Variants in CEP112 observed in about 807,000 individuals in gnomAD.
CEP112 encodes the protein centrosomal protein of 112 kDa.
A neutral mutation model predicts 153.0 loss-of-function variants in CEP112; 127 were observed. That is an observed-to-expected ratio of 0.83 (90% CI 0.72 to 0.96). CEP112 has a LOEUF of 0.96. Among genes scored for constraint, CEP112 ranks in the 40% least tolerant of loss-of-function variants. The pLI, the probability that CEP112 is intolerant of heterozygous loss-of-function variation, is 0.00. For missense variants in CEP112, 1,089 were observed against 1,101.2 expected, an observed-to-expected ratio of 0.99 and a Z score of 0.16; for synonymous variants, 358 against 374.4, an observed-to-expected ratio of 0.96 and a Z score of 0.51.
intron 4 of CEP112, among the ~76,000 whole-genome samples, chr17:66,166,237 A>G (rs2071951713): frequency 6.6e-6 from 1 of 152,172 alleles, no homozygotes; most frequent in African/African-American, 2.4e-5. Flanking sequence ...TCATCAATAA[A>G]TTCCTCTCAA....
intron 19 of CEP112, among the ~76,000 whole-genome samples, chr17:65,910,528 G>A (rs935112413): frequency 1.3e-5 from 2 of 152,026 alleles, no homozygotes; most frequent in African/African-American, 2.4e-5. Context: ...AAGAACATGA[G>A]TGTAATGAAA....
At chr17:65,760,550 C>T (rs6504344) in intron 21 of CEP112, among the ~76,000 whole-genome samples, 65,499 of 151,914 alleles carry the variant, frequency 0.43, 14,803 homozygotes, top group East Asian at 0.79. Context: ...TGATTACATT[C>T]GCTGATTTTC....
chr17:65,809,041 C>T (rs1345138242), intron 21 of CEP112, among the ~76,000 whole-genome samples: 1 of 152,182 alleles, frequency 6.6e-6, no homozygotes, highest in Non-Finnish European at 1.5e-5. Context: ...TGATCTTGGA[C>T]TTCCCATCCT....
intron 20 of CEP112, among the ~76,000 whole-genome samples, chr17:65,879,804 A>G (rs566155014): frequency 6.6e-6 from 1 of 151,944 alleles, no homozygotes; most frequent in African/African-American, 2.4e-5. Context: ...AGGGAAAGCA[A>G]ATCTAAAAAA....
chr17:66,128,302 CAAAAAA>C, intron 6 of CEP112, among the ~76,000 whole-genome samples: 1 of 73,546 alleles, frequency 1.4e-5, no homozygotes, highest in Non-Finnish European at 2.4e-5. Flanking sequence ...GATTCTGTCT[CAAAAAA>C]AAAAAAAAAA....
chr17:66,051,185 C>A (rs1598232177), intron 12 of CEP112, among the ~76,000 whole-genome samples: 1 of 151,058 alleles, frequency 6.6e-6, no homozygotes, highest in East Asian at 2.0e-4. Flanking sequence ...CACCATGTTA[C>A]CCTGGATGGT....
chr17:65,644,935 T>C (rs2143441473), intron 24 of CEP112, among the ~76,000 whole-genome samples: 1 of 152,284 alleles, frequency 6.6e-6, no homozygotes, highest in South Asian at 2.1e-4. Flanking sequence ...ACTTTCTTTT[T>C]CTGCTTGGAT....
chr17:65,742,054 T>C (rs914151235), intron 23 of CEP112, among the ~76,000 whole-genome samples: 1 of 151,536 alleles, frequency 6.6e-6, no homozygotes, highest in African/African-American at 2.4e-5. Flanking sequence ...TGTAATGGCC[T>C]TGAAGGTTTT....
At chr17:65,754,546 T>C (rs2052106352) in intron 21 of CEP112, among the ~76,000 whole-genome samples, 1 of 152,078 alleles carries the variant, frequency 6.6e-6, no homozygotes. Flanking sequence ...AGGCGGAGGT[T>C]GCAGTGAGCT....
chr17:66,012,772 C>T (rs191680370), intron 16 of CEP112, among the ~76,000 whole-genome samples: 6 of 152,268 alleles, frequency 3.9e-5, no homozygotes, highest in Admixed American at 1.3e-4. Context: ...ATGTTGGTCT[C>T]TCTAGCAAGG....
At chr17:66,104,386 G>A (rs1568493821) in intron 6 of CEP112, among the ~76,000 whole-genome samples, 1 of 152,072 alleles carries the variant, frequency 6.6e-6, no homozygotes, top group South Asian at 2.1e-4. Flanking sequence ...GAGGGGAACC[G>A]ACTACCTTGA....
chr17:65,784,276 AG>A (rs1288793163), intron 21 of CEP112, among the ~76,000 whole-genome samples: 1 of 152,224 alleles, frequency 6.6e-6, no homozygotes, highest in Non-Finnish European at 1.5e-5. Context: ...ATATAACAGA[AG>A]TGACTTTACT....
chr17:65,912,407 T>C (rs2060322731), intron 19 of CEP112, among the ~76,000 whole-genome samples: 1 of 152,114 alleles, frequency 6.6e-6, no homozygotes, highest in Non-Finnish European at 1.5e-5. Context: ...GGCCCCGGAA[T>C]ACAGAGGAAA....
intron 21 of CEP112, among the ~76,000 whole-genome samples, chr17:65,814,434 T>C (rs1167064726): frequency 6.6e-6 from 1 of 152,216 alleles, no homozygotes; most frequent in Non-Finnish European, 1.5e-5. Context: ...GTTTGAATCT[T>C]GTCTCTCCAA....
intron 20 of CEP112, among the ~76,000 whole-genome samples, chr17:65,866,694 A>C (rs532184889): frequency 1.3e-4 from 19 of 151,968 alleles, no homozygotes; most frequent in African/African-American, 4.3e-4. Context: ...GGAGCTACCC[A>C]CCTCAGGGTC....
chr17:65,840,859 T>C (rs1258031415), intron 21 of CEP112, among the ~76,000 whole-genome samples: 1 of 152,096 alleles, frequency 6.6e-6, no homozygotes, highest in Admixed American at 6.5e-5. Context: ...CAGACATTTT[T>C]CCAAAGAACA....
chr17:65,993,545 T>C (rs2063672710), intron 17 of CEP112, among the ~76,000 whole-genome samples: 1 of 152,174 alleles, frequency 6.6e-6, no homozygotes, highest in Non-Finnish European at 1.5e-5. Flanking sequence ...CATATAAGAA[T>C]GTTCATTGCA....
At chr17:66,109,281 G>T (rs2068917602) in intron 6 of CEP112, among the ~76,000 whole-genome samples, 1 of 152,076 alleles carries the variant, frequency 6.6e-6, no homozygotes, top group Admixed American at 6.5e-5. Context: ...TGGATTGTTT[G>T]TAACACAAAT....
chr17:65,690,889 T>C (rs1253936004), intron 23 of CEP112, among the ~76,000 whole-genome samples: 1 of 150,394 alleles, frequency 6.6e-6, no homozygotes, highest in African/African-American at 2.5e-5. Flanking sequence ...TGCTGGGGGG[T>C]GGGGAGCAGG....
Sources: allele counts gnomAD v4.1 joint callset (sites outside exome capture counted in the v4.1 genomes callset), GRCh38; gene constraint gnomAD v4.1.1; transcripts MANE v1.5; gene names NCBI Gene and HGNC (gene_info 2026-07-23, HGNC 2026-07-21).